The following AATF variants were observed in gnomAD, a reference collection of about 807,000 sequenced individuals.
AATF encodes the protein protein AATF.
In AATF, 48 loss-of-function variants were observed where a neutral mutation model predicts 63.7. The ratio of observed to expected loss-of-function variants is 0.75; its 90% CI spans 0.60 to 0.96. The LOEUF (loss-of-function observed/expected upper bound fraction) is 0.96. Among genes scored for constraint, AATF ranks in the 40% least tolerant of loss-of-function variants. The probability of loss-of-function intolerance (pLI) is 0.00; values close to 1 mark genes in which losing one functional copy is unlikely to be tolerated. For missense variants in AATF, 639 were observed against 685.7 expected, an observed-to-expected ratio of 0.93 and a Z score of 0.76; for synonymous variants, 258 against 247.7, an observed-to-expected ratio of 1.04 and a Z score of -0.39.
intron 9 of AATF, among the ~76,000 whole-genome samples, chr17:37,019,466 T>C (rs1340054809): frequency 6.6e-6 from 1 of 152,176 alleles, no homozygotes; most frequent in Non-Finnish European, 1.5e-5. Context: ...ATCTGCTTTG[T>C]TAGAGTCTGC....
At chr17:36,972,120 T>C (rs1016960260) in intron 4 of AATF, among the ~76,000 whole-genome samples, 3 of 152,146 alleles carry the variant, frequency 2.0e-5, no homozygotes, top group African/African-American at 7.2e-5. Context: ...ATATTTCTTA[T>C]GGTAATGGAT....
intron 8 of AATF, among the ~76,000 whole-genome samples, chr17:36,999,515 A>C (rs1200831180): frequency 6.6e-6 from 1 of 152,238 alleles, no homozygotes; most frequent in Non-Finnish European, 1.5e-5. Flanking sequence ...GTGCAAATGT[A>C]GAACATTTCC....
Position 36,986,627 on chromosome 17 carries a change from A to G in AATF, c.843A>G (p.Ala281=). Residue 281 remains alanine, a synonymous_variant, in exon 5 of 12, where the codon GCA becomes GCG. Coordinates refer to ENST00000619387, the MANE Select transcript of AATF (RefSeq NM_012138.4). ...TCCTTTATTTCCCAGGTCACAAGGC[A>G]CTTAAAGCATTGTTGAGGTCATTGG... ...FSSALKNSHK[A]LKALLRSLVG... is the part of the protein sequence containing the mutation. The G allele has an allele frequency of 6.2e-7, 1 of 1,613,618 alleles. No homozygotes were observed. Among genetic ancestry groups the G allele is most frequent in the Non-Finnish European group, 8.5e-7 (1 of 1,179,520 alleles).
intron 8 of AATF, 134 bp downstream of exon 8, chr17:36,990,991 A>C (rs1340133992): frequency 1.8e-6 from 1 of 545,910 alleles, no homozygotes; most frequent in East Asian, 3.3e-5. Context: ...CCGCGTTCAA[A>C]ATTGACTTAC....
chr17:36,954,291 A>G (rs538427764), intron 4 of AATF, among the ~76,000 whole-genome samples: 113 of 152,068 alleles, frequency 7.4e-4, no homozygotes, highest in African/African-American at 2.5e-3. Flanking sequence ...TGTGTTGTCC[A>G]GGCTGGTCTC....
chr17:37,031,847 C>T (rs1013689609), intron 11 of AATF, among the ~76,000 whole-genome samples, 162 bp downstream of exon 11: 7 of 152,168 alleles, frequency 4.6e-5, no homozygotes, highest in Non-Finnish European at 1.0e-4. Flanking sequence ...TACTATAAAA[C>T]CAAACCAAAA....
chr17:36,986,833 G>A (rs1231978520), intron 5 of AATF, 102 bp downstream of exon 5: 6 of 967,142 alleles, frequency 6.2e-6, no homozygotes, highest in Admixed American at 2.4e-5. Flanking sequence ...AGATATTAAT[G>A]TTAGTAAAAT....
rs2071802716 is a variant in AATF, at chr17:37,056,786, C to T, written c.*122C>T. ...GAAGCCCCTGGAAAGATGCTGCGTTCCGAACCTGTGCCTAATACACGCAAG... is the reference window on the plus strand; with the variant it reads ...GAAGCCCCTGGAAAGATGCTGCGTTTCGAACCTGTGCCTAATACACGCAAG... On this transcript the variant is annotated 3_prime_UTR_variant, in exon 12 of 12. Transcript: ENST00000619387. 9.1e-7 allele frequency: 1 copy of T among 1,094,098 alleles called. No homozygotes were observed. Among genetic ancestry groups the T allele is most frequent in the Admixed American group, 2.3e-5 (1 of 44,402 alleles). 67.8% of individuals were successfully genotyped at this position (1,094,098 alleles called of 1,614,324 possible). A position where few individuals can be genotyped will look rare whatever the true frequency, so the allele number is the denominator to read the frequency against.
chr17:37,010,314 C>T (rs1315860399), intron 8 of AATF, among the ~76,000 whole-genome samples: 3 of 152,026 alleles, frequency 2.0e-5, no homozygotes, highest in East Asian at 1.9e-4. Flanking sequence ...CAAAATTAGC[C>T]GGGCGTGGTG....
intron 8 of AATF, among the ~76,000 whole-genome samples, chr17:36,998,236 A>G (rs1010671210): frequency 6.6e-6 from 1 of 152,158 alleles, no homozygotes; most frequent in Non-Finnish European, 1.5e-5. Flanking sequence ...AAAAAAATGT[A>G]TATGTATTGT....
At chr17:36,960,896 A>G (rs751773985) in intron 4 of AATF, among the ~76,000 whole-genome samples, 37 of 152,194 alleles carry the variant, frequency 2.4e-4, no homozygotes, top group Admixed American at 7.2e-4. Context: ...TTCTAATTAT[A>G]AAAGTATGTC....
chr17:37,054,105 G>A (rs1188355231), intron 11 of AATF, among the ~76,000 whole-genome samples: 1 of 151,810 alleles, frequency 6.6e-6, no homozygotes, highest in African/African-American at 2.4e-5. Context: ...CTCAGGGCAG[G>A]AGCCAAAGCC....
intron 10 of AATF, among the ~76,000 whole-genome samples, chr17:37,021,351 AGGCG>A (rs1363086115): frequency 6.6e-6 from 1 of 152,200 alleles, no homozygotes; most frequent in East Asian, 1.9e-4. Context: ...TGTTATGGCC[AGGCG>A]TGGTGGCTCA....
At chr17:36,994,487 A>G (rs527768503) in intron 8 of AATF, among the ~76,000 whole-genome samples, 22 of 152,378 alleles carry the variant, frequency 1.4e-4, no homozygotes, top group Middle Eastern at 3.4e-3. Flanking sequence ...AGTATAGCCA[A>G]TGGTGAAGGT....
At chr17:37,012,689 A>C (rs1262669498) in intron 8 of AATF, among the ~76,000 whole-genome samples, 1 of 152,232 alleles carries the variant, frequency 6.6e-6, no homozygotes, top group Non-Finnish European at 1.5e-5. Context: ...ATGTGGTCAT[A>C]AAGCCAAAAT....
At chr17:37,014,988 T>G (rs761447802) in intron 8 of AATF, among the ~76,000 whole-genome samples, 24 of 152,226 alleles carry the variant, frequency 1.6e-4, no homozygotes, top group Non-Finnish European at 2.8e-4. Context: ...TCTTGGGATA[T>G]TCATTGTAAG....
intron 11 of AATF, among the ~76,000 whole-genome samples, chr17:37,050,705 G>A (rs1017339272): frequency 1.3e-5 from 2 of 152,150 alleles, no homozygotes; most frequent in South Asian, 2.1e-4. Flanking sequence ...TGCCTGCCGT[G>A]TGCTTTCTTC....
At chr17:37,054,615 C>G (rs1018503112) in intron 11 of AATF, 2 of 152,228 alleles carry the variant, frequency 1.3e-5, no homozygotes, top group African/African-American at 4.8e-5. Flanking sequence ...ATTTCACTCT[C>G]TGCTCCTGAC....
intron 10 of AATF, among the ~76,000 whole-genome samples, chr17:37,024,095 G>A (rs1441099679): frequency 2.0e-5 from 3 of 152,132 alleles, no homozygotes; most frequent in Non-Finnish European, 2.9e-5. Flanking sequence ...TTTGATCCAT[G>A]GTTGATTAAA....
Sources: gnomAD v4.1 joint callset for allele counts (sites outside exome capture counted in the v4.1 genomes callset) on GRCh38, gnomAD v4.1.1 for gene constraint, MANE v1.5 for transcripts, NCBI Gene and HGNC (gene_info 2026-07-23, HGNC 2026-07-21) for gene names.